The following AP5Z1 variants were observed in gnomAD, a reference collection of about 807,000 sequenced individuals.
AP5Z1 encodes the protein AP-5 complex subunit zeta-1.
In AP5Z1, 106 loss-of-function variants were observed where a neutral mutation model predicts 83.0. The observed-to-expected ratio is 1.28, with a 90% CI of 1.09 to 1.50. The LOEUF is 1.50. Among genes scored for constraint, AP5Z1 ranks in the 40% most tolerant of loss-of-function variants. AP5Z1 has a pLI of 0.00. For synonymous variants in AP5Z1, 751 were observed against 514.1 expected, an observed-to-expected ratio of 1.46 and a Z score of -6.23; for missense variants, 1,565 against 1,094.2, an observed-to-expected ratio of 1.43 and a Z score of -6.07.
At chr7:4,788,740 C>T (rs1485028350) in intron 12 of AP5Z1, 100 bp from the exon 13 acceptor site, 30 of 1,044,638 alleles carry the variant, frequency 2.9e-5, no homozygotes, top group South Asian at 2.2e-4. Flanking sequence ...AGGATGGGAG[C>T]GGGCTCAGCT....
rs1781611795 is a variant in AP5Z1 at position 4,788,051 on chromosome 7, G to A, written c.1455-103G>A. On this transcript the variant is annotated intron_variant, in intron 11 of 16. Coordinates refer to ENST00000649063, the MANE Select transcript of AP5Z1 (RefSeq NM_014855.3). ...ATGCCAAGCCCTTCCTGGCACCCGAGGTGCTGTGATATTAGGGACACCTGC... is the reference window on the plus strand; with the variant it reads ...ATGCCAAGCCCTTCCTGGCACCCGAAGTGCTGTGATATTAGGGACACCTGC... 6.3e-6 allele frequency: 9 copies of A among 1,427,412 alleles called. No individual in the cohort carries two copies. In the South Asian group the frequency reaches 1.2e-4, roughly 19 times the overall value. The allele number at this position is 1,427,412 out of a possible 1,614,324, so 88.4% of individuals were successfully genotyped here. A position where few individuals can be genotyped will look rare whatever the true frequency, so the allele number is the denominator to read the frequency against.
At position 4,790,460 on chromosome 7, in the gene AP5Z1, G is replaced by A. The variant is rs770080637; in HGVS notation, c.1807G>A (p.Val603Met). ...APGYAAGVHS[V>M]LSSQFLALCT... Reference sequence around the variant, plus strand: ...GCGTAGACCCGGCTTTCTGGGCAGTGTGCTGAGTTCTCAGTTCCTGGCCCT... The same window carrying A: ...GCGTAGACCCGGCTTTCTGGGCAGTATGCTGAGTTCTCAGTTCCTGGCCCT... Residue 603 changes from valine (V) to methionine (M), a missense_variant and splice_region_variant, in exon 15 of 17, where the codon GTG becomes ATG. Physicochemically the swap from Val to Met is conservative, Grantham distance 21. Coordinates refer to ENST00000649063, the MANE Select transcript of AP5Z1 (RefSeq NM_014855.3). The A allele has an allele frequency of 7.4e-6, 12 of 1,613,032 alleles. No homozygotes were observed. The highest frequency in any genetic ancestry group is 2.2e-5 in the East Asian group (1 of 44,882).
chr7:4,788,220 G>C lies in AP5Z1; in HGVS notation c.1521G>C (p.Glu507Asp), dbSNP rs771555660. The C allele has an allele frequency of 6.4e-7, 1 of 1,570,114 alleles. No homozygotes were observed. The highest frequency in any genetic ancestry group is 1.9e-5 in the Admixed American group (1 of 53,760). Residue 507 changes from glutamate to aspartate, a missense_variant, in exon 12 of 17, where the codon GAG becomes GAC. Glu to Asp is a conservative substitution (Grantham distance 45, BLOSUM62 2). Transcript: ENST00000649063. ...DTSLRAPSCL[E>D]AFRDPQFQGL... ...CTCTCAGGGCCCCCAGCTGCCTGGA[G>C]GCCTTCCGGGACCCGCAGTTCCAGG...
At chr7:4,786,522 C>T in intron 10 of AP5Z1, 94 bp downstream of exon 10, 3 of 1,434,584 alleles carry the variant, frequency 2.1e-6, no homozygotes, top group Non-Finnish European at 2.9e-6. Flanking sequence ...CGAGTCCTGG[C>T]TGAGCATAGA....
At chr7:4,778,795 AATT>A (rs949203642) in intron 1 of AP5Z1, among the ~76,000 whole-genome samples, 4 of 146,434 alleles carry the variant, frequency 2.7e-5, no homozygotes, top group African/African-American at 7.5e-5. Flanking sequence ...TATATAATAT[AATT>A]ATATGTTATA....
At chr7:4,778,808 ATAT>A (rs1220906774) in intron 1 of AP5Z1, among the ~76,000 whole-genome samples, 1 of 145,908 alleles carries the variant, frequency 6.9e-6, no homozygotes, top group Non-Finnish European at 1.5e-5. Flanking sequence ...TATATGTTAT[ATAT>A]TATATGTTAT....
At chr7:4,779,051 G>C (rs942885517) in intron 1 of AP5Z1, among the ~76,000 whole-genome samples, 3 of 144,710 alleles carry the variant, frequency 2.1e-5, no homozygotes, top group Non-Finnish European at 4.5e-5. Flanking sequence ...TATATAGATA[G>C]ATAGATAGAT....
Position 4,785,642 on chromosome 7 carries a change from G to T in AP5Z1, c.1090G>T (p.Val364Leu), listed in dbSNP as rs1291366872. 1 of 1,562,716 alleles carries T rather than the reference G, an allele frequency of 6.4e-7. No homozygotes were observed. The highest frequency in any genetic ancestry group is 2.3e-5 in the East Asian group (1 of 42,822). Residue 364 changes from valine to leucine, a missense_variant, in exon 9 of 17, where the codon GTG becomes TTG. Physicochemically the swap from Val to Leu is conservative, Grantham distance 32. Coordinates refer to ENST00000649063, the MANE Select transcript of AP5Z1 (RefSeq NM_014855.3). Reference sequence around the variant, plus strand: ...GCGGGTGCGCGGGGACCCGGCCTCTGTGCGGGTGCTGCTGCCCCTCGCCCA... The same window carrying T: ...GCGGGTGCGCGGGGACCCGGCCTCTTTGCGGGTGCTGCTGCCCCTCGCCCA... ...HGRVRGDPAS[V>L]RVLLPLAHFF... is the part of the protein sequence containing the mutation.
chr7:4,790,897 C>T lies in AP5Z1; in HGVS notation c.2153+10C>T. ...AAGATCTGATCCCCAGGTGCCTGGT[C>T]AGGGAGGGAGCGAAGCCTTCTGGCT... On this transcript the variant is annotated intron_variant, in intron 16 of 16. Coordinates refer to ENST00000649063, the MANE Select transcript of AP5Z1 (RefSeq NM_014855.3). The T allele has an allele frequency of 3.8e-6, 6 of 1,590,554 alleles. No homozygotes were observed. The highest frequency in any genetic ancestry group is 5.1e-6 in the Non-Finnish European group (6 of 1,169,300).
intron 3 of AP5Z1, among the ~76,000 whole-genome samples, chr7:4,782,346 C>A (rs909559694): frequency 1.3e-5 from 2 of 152,180 alleles, no homozygotes; most frequent in Non-Finnish European, 2.9e-5. Context: ...CTCCCTCCCT[C>A]TGTGTCGGGA....
intron 16 of AP5Z1, 93 bp downstream of exon 16, chr7:4,790,980 C>T (rs1443055233): frequency 1.4e-5 from 21 of 1,476,542 alleles, no homozygotes; most frequent in Non-Finnish European, 1.6e-5. Flanking sequence ...GAAATGGTCG[C>T]AGCAGCGCAG....
intron 14 of AP5Z1, 63 bp downstream of exon 14, chr7:4,789,992 TCCCC>T: frequency 1.9e-6 from 1 of 516,478 alleles, no homozygotes; most frequent in Non-Finnish European, 2.5e-6. Flanking sequence ...CCTCCCCCTC[TCCCC>T]TCCCCCCTCC....
chr7:4,789,664 C>A (rs1371870690), intron 13 of AP5Z1, among the ~76,000 whole-genome samples, 168 bp from the exon 14 acceptor site: 2 of 152,208 alleles, frequency 1.3e-5, no homozygotes. Context: ...CCTCCCTGTG[C>A]CCGGATGCTG....
chr7:4,781,033 A>C (rs1781366434), intron 1 of AP5Z1, 142 bp from the exon 2 acceptor site: 1 of 1,083,018 alleles, frequency 9.2e-7, no homozygotes, highest in South Asian at 1.7e-5. Context: ...TTATCTCGAG[A>C]GCCATGAGCC....
rs759647835 is a variant in AP5Z1, at chr7:4,791,315, CGGCCCTGCCCCT to C, written c.2363_2374del (p.Pro788_Leu791del). The stretch of plus-strand genomic sequence containing the variant: ...CCCCGCTATCACCGCGATGCCAACA[CGGCCCTGCCCCT>C]GGCCCTGCGCACGGTCAGCCGGCTG... On this transcript the variant is annotated inframe_deletion, in exon 17 of 17. Transcript: ENST00000649063. 534 of 1,611,750 alleles carry C rather than the reference CGGCCCTGCCCCT, an allele frequency of 3.3e-4. No homozygotes were observed. The highest frequency in any genetic ancestry group is 4.4e-4 in the Non-Finnish European group (524 of 1,179,566).
intron 16 of AP5Z1, 50 bp from the exon 17 acceptor site, chr7:4,791,065 G>C: frequency 2.6e-6 from 4 of 1,516,198 alleles, no homozygotes; most frequent in Non-Finnish European, 2.6e-6. Flanking sequence ...ACAGACCCCT[G>C]TCCTGGGAGG....
At chr7:4,781,991 TCAGA>T (rs1781395020) in intron 3 of AP5Z1, among the ~76,000 whole-genome samples, 1 of 152,216 alleles carries the variant, frequency 6.6e-6, no homozygotes. Context: ...GTTTGGTTTC[TCAGA>T]CAGAGCCTTG....
Position 4,791,401 on chromosome 7 carries a change from G to A in AP5Z1, c.*16G>A. The A allele has an allele frequency of 6.3e-7, 1 of 1,594,178 alleles. No individual in the cohort carries two copies. The highest frequency in any genetic ancestry group is 1.1e-5 in the South Asian group (1 of 88,692). On this transcript the variant is annotated 3_prime_UTR_variant, in exon 17 of 17. Transcript: ENST00000649063. ...GCCAGGGTGAAGGGACAGTGGCCAG[G>A]GACTTCGGTGCAGATTAAGAGCCTG...
chr7:4,783,555 G>C, intron 4 of AP5Z1, 95 bp downstream of exon 4: 1 of 1,549,056 alleles, frequency 6.5e-7, no homozygotes, highest in Non-Finnish European at 8.8e-7. Flanking sequence ...GGGGGCAGGT[G>C]GGGGACACGG....
Sources: gnomAD v4.1 joint callset for allele counts (sites outside exome capture counted in the v4.1 genomes callset) on GRCh38, gnomAD v4.1.1 for gene constraint, MANE v1.5 for transcripts, NCBI Gene and HGNC (gene_info 2026-07-23, HGNC 2026-07-21) for gene names.